The following LARP1 variants were observed in gnomAD, a reference collection of about 807,000 sequenced individuals.
LARP1 encodes la-related protein 1.
A neutral mutation model predicts 122.7 loss-of-function variants in LARP1; 36 were observed. The observed-to-expected ratio is 0.29, with a 90% CI of 0.22 to 0.39. The LOEUF is 0.39. Ranked by LOEUF, LARP1 falls within the 10% of genes least tolerant of loss-of-function variation. LARP1 has a pLI of 1.00. For missense variants in LARP1, 1,040 were observed against 1,403.6 expected (o/e 0.74, Z 4.14); for synonymous variants, 539 against 528.7 (o/e 1.02, Z -0.27).
intron 1 of LARP1, among the ~76,000 whole-genome samples, chr5:154,695,317 A>G (rs2396998): frequency 0.093 from 14,062 of 151,922 alleles, 1,087 homozygotes; most frequent in African/African-American, 0.2. Flanking sequence ...GTCTCAAAAA[A>G]AGAAAAAAAA....
chr5:154,747,496 C>T (rs1003844461), intron 1 of LARP1, among the ~76,000 whole-genome samples: 10 of 151,596 alleles, frequency 6.6e-5, no homozygotes, highest in South Asian at 4.2e-4. Context: ...CACCTGAGGT[C>T]GGGAGTTGGA....
chr5:154,806,946 ACCAGTCATACT>A (rs1198573001), intron 15 of LARP1, among the ~76,000 whole-genome samples: 2 of 152,154 alleles, frequency 1.3e-5, no homozygotes, highest in African/African-American at 4.8e-5. Flanking sequence ...TATGCCCCTT[ACCAGTCATACT>A]CATTATACAT....
Position 154,790,181 on chromosome 5 carries a change from G to A in LARP1, c.437-144G>A, listed in dbSNP as rs17116437. On this transcript the variant is annotated intron_variant, in intron 1 of 18. Coordinates refer to ENST00000518297, the MANE Select transcript of LARP1 (RefSeq NM_033551.3). ...AATTGTTATTGGTGTTTGAGCACGTGTCTTTCCCCTCTCTACTGTGTCTTT... is the reference window on the plus strand; with the variant it reads ...AATTGTTATTGGTGTTTGAGCACGTATCTTTCCCCTCTCTACTGTGTCTTT... 5,163 of 616,440 alleles carry A rather than the reference G, an allele frequency of 8.4e-3. 192 individuals are homozygous for A. Among genetic ancestry groups the A allele is most frequent in the African/African-American group, 0.083 (4,531 of 54,400 alleles). 38.2% of individuals were successfully genotyped at this position (616,440 alleles called of 1,614,324 possible).
chr5:154,809,818 G>A (rs1027115944), intron 16 of LARP1, among the ~76,000 whole-genome samples: 6 of 149,140 alleles, frequency 4.0e-5, no homozygotes, highest in Admixed American at 3.4e-4. Flanking sequence ...CCATTCTCCT[G>A]CCTCAGCCTA....
chr5:154,709,020 C>T (rs192622410), upstream of LARP1, among the ~76,000 whole-genome samples: 132 of 152,344 alleles, frequency 8.7e-4, no homozygotes, highest in African/African-American at 3.1e-3. Flanking sequence ...TTGCGTACCA[C>T]GGTGACTCAT....
At chr5:154,690,578 TCCGCCCGGCCCCA>T (rs1754145200) in intron 1 of LARP1, among the ~76,000 whole-genome samples, 2 of 152,030 alleles carry the variant, frequency 1.3e-5, no homozygotes, top group African/African-American at 4.8e-5. Flanking sequence ...TTGAACTCGG[TCCGCCCGGCCCCA>T]GAGCGAGACC....
rs76882591 is a variant in LARP1 at position 154,763,850 on chromosome 5, A to C, written c.436+7657A>C. 9.8e-4 allele frequency among the ~76,000 whole-genome samples: 149 copies of C among 152,106 alleles called. 2 individuals carry two copies. In the East Asian group the frequency reaches 0.024, roughly 24 times the overall value. The stretch of plus-strand genomic sequence containing the variant: ...GGGATACCCCATCTCTTACAAAAAA[A>C]AAAAAGTACAAAAATTAGTCGAGCA... On this transcript the variant is annotated intron_variant, in intron 1 of 18. Coordinates refer to ENST00000518297, the MANE Select transcript of LARP1 (RefSeq NM_033551.3).
At chr5:154,729,643 A>G (rs1243504305) in intron 1 of LARP1, 4 of 406,918 alleles carry the variant, frequency 9.8e-6, no homozygotes, top group Admixed American at 8.8e-5. Flanking sequence ...GTGAGAACCA[A>G]TGAATAGGAG....
At chr5:154,799,071 C>T (rs1382994879) in intron 8 of LARP1, among the ~76,000 whole-genome samples, 5 of 152,116 alleles carry the variant, frequency 3.3e-5, no homozygotes, top group Non-Finnish European at 2.9e-5. Context: ...ACCATGTTGG[C>T]CAGGATGGTC....
chr5:154,793,749 C>T (rs1007250612), intron 5 of LARP1, 26 bp downstream of exon 5: 3 of 1,614,136 alleles, frequency 1.9e-6, no homozygotes, highest in Non-Finnish European at 2.5e-6. Flanking sequence ...TATGGAGGGC[C>T]TGGACTTGGG....
intron 1 of LARP1, among the ~76,000 whole-genome samples, chr5:154,767,798 G>C (rs1188157417): frequency 6.6e-6 from 1 of 152,154 alleles, no homozygotes; most frequent in Admixed American, 6.5e-5. Context: ...TTACATGGAT[G>C]GAATAGCCTA....
chr5:154,798,724 G>A (rs980236203), intron 8 of LARP1, among the ~76,000 whole-genome samples: 1 of 152,252 alleles, frequency 6.6e-6, no homozygotes, highest in South Asian at 2.1e-4. Context: ...GAACTCCTTT[G>A]CTCAAGCGAT....
chr5:154,743,712 C>T (rs1159113644), intron 1 of LARP1, among the ~76,000 whole-genome samples: 1 of 151,950 alleles, frequency 6.6e-6, no homozygotes, highest in Non-Finnish European at 1.5e-5. Flanking sequence ...CTCTGCCTCC[C>T]GAGTTCAAGC....
chr5:154,721,800 G>A (rs997668760), intron 1 of LARP1, among the ~76,000 whole-genome samples: 21 of 152,290 alleles, frequency 1.4e-4, no homozygotes, highest in African/African-American at 4.8e-4. Context: ...GGTTAAAGGG[G>A]TTGTAATGTA....
rs796447314 is a variant in LARP1, at chr5:154,685,408, C to A, written c.-180+2371C>A. Among the ~76,000 whole-genome samples, 12 of 152,290 alleles carry A rather than the reference C, an allele frequency of 7.9e-5. 1 individual carries two copies. Among genetic ancestry groups the A allele is most frequent in the African/African-American group, 2.9e-4 (12 of 41,558 alleles). ...CCATGGTACCTTCTCCCCTCAGAGGCCTTGCACATGCTGTTCCTCATATTC... is the reference window on the plus strand; with the variant it reads ...CCATGGTACCTTCTCCCCTCAGAGGACTTGCACATGCTGTTCCTCATATTC... On this transcript the variant is annotated intron_variant, in intron 1 of 18. Transcript: ENST00000687700.
intron 1 of LARP1, chr5:154,756,638 C>A (rs192460770): frequency 5.1e-6 from 2 of 395,618 alleles, no homozygotes; most frequent in African/African-American, 4.4e-5. Context: ...GTTTAATGAG[C>A]ATATGTCACG....
chr5:154,742,301 C>T (rs180675083), intron 1 of LARP1, among the ~76,000 whole-genome samples: 15 of 152,334 alleles, frequency 9.8e-5, no homozygotes, highest in Non-Finnish European at 1.9e-4. Flanking sequence ...GTGGCTCACA[C>T]CTGTAATCCC....
intron 1 of LARP1, among the ~76,000 whole-genome samples, chr5:154,781,636 C>T (rs758835384): frequency 9.2e-5 from 14 of 152,086 alleles, no homozygotes; most frequent in Admixed American, 6.6e-4. Context: ...TGAGCTACTA[C>T]ATGTAAAAAA....
At chr5:154,771,452 G>C (rs137967316) in intron 1 of LARP1, among the ~76,000 whole-genome samples, 251 of 152,316 alleles carry the variant, frequency 1.6e-3, no homozygotes, top group African/African-American at 5.9e-3. Flanking sequence ...TTTGCTGAAG[G>C]CTTCACAGTA....
Sources: allele counts gnomAD v4.1 joint callset (sites outside exome capture counted in the v4.1 genomes callset), GRCh38; gene constraint gnomAD v4.1.1; transcripts MANE v1.5; gene names NCBI Gene and HGNC (gene_info 2026-07-23, HGNC 2026-07-21).